The following MLKL variants were observed in gnomAD, a reference collection of about 807,000 sequenced individuals.
MLKL encodes the protein mixed lineage kinase domain-like protein.
A neutral mutation model predicts 56.5 loss-of-function variants in MLKL; 55 were observed. The ratio of observed to expected loss-of-function variants is 0.97; its 90% confidence interval spans 0.78 to 1.22. The LOEUF (loss-of-function observed/expected upper bound fraction) is 1.22, where lower values mean the gene tolerates loss of function less well. Among genes scored for constraint, MLKL ranks in the 50% most tolerant of loss-of-function variants. The pLI, the probability that MLKL is intolerant of heterozygous loss-of-function variation, is 0.00. For missense variants in MLKL, 694 were observed against 573.9 expected, an observed-to-expected ratio of 1.21 and a Z score of -2.14; for synonymous variants, 251 against 208.3, an observed-to-expected ratio of 1.20 and a Z score of -1.76.
intron 2 of MLKL, among the ~76,000 whole-genome samples, chr16:74,694,665 G>T (rs1375319365): frequency 6.6e-6 from 1 of 152,112 alleles, no homozygotes; most frequent in Admixed American, 6.6e-5. Flanking sequence ...AGCCACTCGG[G>T]AGCCTGAGGT....
intron 5 of MLKL, 24 bp downstream of exon 5, chr16:74,685,462 A>C (rs1424296921): frequency 1.9e-6 from 3 of 1,582,872 alleles, no homozygotes; most frequent in African/African-American, 2.7e-5. Flanking sequence ...CCAAAGCTTG[A>C]CCAATCCTAG....
intron 7 of MLKL, chr16:74,676,576 G>T: frequency 1.6e-6 from 1 of 617,354 alleles, no homozygotes; most frequent in Non-Finnish European, 2.0e-6. Flanking sequence ...AGGTGGAATA[G>T]CGCATCTTAT....
At chr16:74,685,396 G>T in intron 5 of MLKL, 90 bp downstream of exon 5, 1 of 934,774 alleles carries the variant, frequency 1.1e-6, no homozygotes, top group Non-Finnish European at 1.7e-6. Context: ...CACCCTTTGT[G>T]ATGTTCTTTA....
Position 74,689,048 on chromosome 16 carries a change from TA to T in MLKL, c.722+2228del, listed in dbSNP as rs529805682. ...TTGCCTGGGCTCAGGATGGTGGTGA[TA>T]GGGGTGAAAGAGGAATGACTGCTAG... On this transcript the variant is annotated intron_variant, in intron 4 of 10. Coordinates refer to ENST00000308807, the MANE Select transcript of MLKL (RefSeq NM_152649.4). Among the ~76,000 whole-genome samples, 855 of 152,130 alleles carry T rather than the reference TA, an allele frequency of 5.6e-3. 7 individuals carry two copies. The highest frequency in any genetic ancestry group is 0.02 in the African/African-American group (815 of 41,510).
chr16:74,675,140 C>T, intron 9 of MLKL, 40 bp from the exon 10 acceptor site: 1 of 1,609,892 alleles, frequency 6.2e-7, no homozygotes, highest in Non-Finnish European at 8.5e-7. Context: ...AATTGCTCCG[C>T]TACTCGTACA....
chr16:74,682,030 G>T (rs1042083531), intron 6 of MLKL, among the ~76,000 whole-genome samples: 1 of 152,136 alleles, frequency 6.6e-6, no homozygotes, highest in African/African-American at 2.4e-5. Context: ...AGGATTGCTT[G>T]AGCCCAGTAG....
At chr16:74,682,898 C>G in intron 5 of MLKL, 112 bp from the exon 6 acceptor site, 1 of 1,255,694 alleles carries the variant, frequency 8.0e-7, no homozygotes, top group Middle Eastern at 1.9e-4. Flanking sequence ...CTGCTGAGTC[C>G]CATTTCTCCC....
intron 4 of MLKL, among the ~76,000 whole-genome samples, chr16:74,687,397 C>T (rs1399989967): frequency 6.6e-6 from 1 of 151,748 alleles, no homozygotes; most frequent in African/African-American, 2.4e-5. Context: ...AATCCTTACC[C>T]GATTTGTAGT....
chr16:74,695,800 C>A, intron 1 of MLKL, 41 bp from the exon 2 acceptor site: 2 of 1,506,578 alleles, frequency 1.3e-6, no homozygotes, highest in Non-Finnish European at 1.8e-6. Context: ...CCCCAAATCT[C>A]CTGCATATTC....
chr16:74,683,239 G>A (rs964029972), intron 5 of MLKL, among the ~76,000 whole-genome samples: 1 of 150,408 alleles, frequency 6.6e-6, no homozygotes, highest in Non-Finnish European at 1.5e-5. Context: ...AAGCTGCGTG[G>A]CAGAGATTGC....
intron 5 of MLKL, among the ~76,000 whole-genome samples, chr16:74,685,116 G>T (rs1295136014): frequency 1.3e-5 from 2 of 152,030 alleles, no homozygotes; most frequent in Non-Finnish European, 2.9e-5. Flanking sequence ...TGCCTGTCTC[G>T]GCTTACCAAA....
chr16:74,674,149 T>A (rs75981157), intron 10 of MLKL, among the ~76,000 whole-genome samples: 19,273 of 142,990 alleles, frequency 0.13, 1,499 homozygotes, highest in Admixed American at 0.26. Flanking sequence ...GGATGTTGAA[T>A]AGCATTCTTT....
At chr16:74,691,225 A>C (rs1960651192) in intron 4 of MLKL, 52 bp downstream of exon 4, 9 of 1,497,348 alleles carry the variant, frequency 6.0e-6, no homozygotes, top group Non-Finnish European at 8.1e-6. Flanking sequence ...CTCTCCTTGG[A>C]GAGTTAGAGT....
chr16:74,696,631 A>G (rs11863503), intron 1 of MLKL, among the ~76,000 whole-genome samples: 3,166 of 151,636 alleles, frequency 0.021, 116 homozygotes, highest in African/African-American at 0.073. Flanking sequence ...TACAAAAATA[A>G]AAAAAATAAA....
At chr16:74,685,845 T>C (rs964748880) in intron 4 of MLKL, among the ~76,000 whole-genome samples, 1 of 152,238 alleles carries the variant, frequency 6.6e-6, no homozygotes. Flanking sequence ...TCTGATAGAA[T>C]TGTATTTTTA....
intron 5 of MLKL, among the ~76,000 whole-genome samples, 194 bp from the exon 6 acceptor site, chr16:74,682,980 C>T (rs1960086124): frequency 6.6e-6 from 1 of 152,054 alleles, no homozygotes; most frequent in African/African-American, 2.4e-5. Context: ...TTCCCATCCT[C>T]TTCTCCATAA....
At chr16:74,682,077 C>A (rs1960012328) in intron 6 of MLKL, among the ~76,000 whole-genome samples, 1 of 148,528 alleles carries the variant, frequency 6.7e-6, no homozygotes, top group Admixed American at 7.0e-5. Context: ...AAAACCTTAT[C>A]TCTACAAAAA....
At chr16:74,681,203 T>A (rs948631259) in intron 6 of MLKL, among the ~76,000 whole-genome samples, 1 of 151,960 alleles carries the variant, frequency 6.6e-6, no homozygotes, top group Non-Finnish European at 1.5e-5. Context: ...TTTCTGTATT[T>A]TTAGTAAAAA....
chr16:74,680,680 T>C (rs961821249), intron 6 of MLKL, among the ~76,000 whole-genome samples: 2 of 152,186 alleles, frequency 1.3e-5, no homozygotes, highest in African/African-American at 2.4e-5. Context: ...CTAATTTTTG[T>C]ATTTTTAGGA....
Sources: allele counts gnomAD v4.1 joint callset (sites outside exome capture counted in the v4.1 genomes callset), GRCh38; gene constraint gnomAD v4.1.1; transcripts MANE v1.5; gene names NCBI Gene and HGNC (gene_info 2026-07-23, HGNC 2026-07-21).